Variants in PCM1 observed in about 807,000 individuals in gnomAD.
PCM1 encodes the protein pericentriolar material 1 protein.
PCM1 carries 157 observed loss-of-function variants against 241.9 expected under a neutral mutation model. That is an observed-to-expected ratio of 0.65 (90% CI 0.57 to 0.74). The LOEUF (loss-of-function observed/expected upper bound fraction) is 0.74. PCM1 is among the 30% of genes least tolerant of loss of function. PCM1 has a pLI of 0.00. For missense variants in PCM1, 3,478 were observed against 2,360.1 expected, an observed-to-expected ratio of 1.47 and a Z score of -9.81; for synonymous variants, 1,085 against 784.9, an observed-to-expected ratio of 1.38 and a Z score of -6.39.
chr8:17,940,937 G>A (rs992101166), intron 6 of PCM1, among the ~76,000 whole-genome samples: 1 of 152,002 alleles, frequency 6.6e-6, no homozygotes, highest in African/African-American at 2.4e-5. Flanking sequence ...ATATCTCTTC[G>A]GGTTTTGAGG....
intron 2 of PCM1, among the ~76,000 whole-genome samples, chr8:17,935,027 A>T (rs2060036086): frequency 6.6e-6 from 1 of 151,744 alleles, no homozygotes; most frequent in African/African-American, 2.4e-5. Context: ...TAGCCACTGC[A>T]CTTTTGGATG....
chr8:18,013,857 C>T (rs373209317), intron 34 of PCM1, 107 bp from the exon 35 acceptor site: 2 of 658,722 alleles, frequency 3.0e-6, no homozygotes, highest in Admixed American at 3.6e-5. Context: ...TTTTAAATTT[C>T]TTTGTATGAA....
intron 2 of PCM1, among the ~76,000 whole-genome samples, chr8:17,930,258 G>A (rs779896282): frequency 2.6e-5 from 4 of 151,900 alleles, no homozygotes; most frequent in South Asian, 2.1e-4. Flanking sequence ...CCGCCACCAC[G>A]CCTGGCTAAT....
chr8:17,936,532 A>G (rs2060480229), intron 3 of PCM1, among the ~76,000 whole-genome samples: 1 of 152,162 alleles, frequency 6.6e-6, no homozygotes, highest in Non-Finnish European at 1.5e-5. Flanking sequence ...AGCTGTTACC[A>G]TGTACATTTT....
chr8:17,926,907 GAGA>G (rs1351549777), intron 2 of PCM1: 2 of 152,120 alleles, frequency 1.3e-5, no homozygotes, highest in African/African-American at 4.8e-5. Flanking sequence ...TATTGGAATA[GAGA>G]AGATGAGATG....
rs535618741 is a variant in PCM1, at chr8:17,957,689, G to T, written c.1954G>T (p.Asp652Tyr). ...RSSLVDEHPE[D>Y]AEFEQKINRL... is the part of the protein sequence containing the mutation. The stretch of plus-strand genomic sequence containing the variant: ...CAGTCTGGTTGATGAGCATCCAGAA[G>T]ATGCTGAATTTGAACAGAAGATCAA... The change falls in exon 13 of 39, where the codon GAT becomes TAT. Residue 652 changes from aspartate (D) to tyrosine (Y), a missense_variant. Transcript: ENST00000325083. The T allele has an allele frequency of 3.7e-6, 6 of 1,612,336 alleles. No homozygotes were observed. In the African/African-American group the frequency reaches 6.7e-5, roughly 18 times the overall value.
intron 8 of PCM1, 130 bp downstream of exon 8, chr8:17,950,854 G>GT (rs939920257): frequency 1.6e-5 from 10 of 640,428 alleles, no homozygotes; most frequent in African/African-American, 1.9e-5. Flanking sequence ...GATTGGTGGG[G>GT]TCCCCCCCAC....
chr8:17,968,680 C>T (rs983815520), intron 21 of PCM1, among the ~76,000 whole-genome samples: 3 of 149,888 alleles, frequency 2.0e-5, no homozygotes, highest in African/African-American at 4.9e-5. Flanking sequence ...TTCTTACATA[C>T]ATATATTACA....
At chr8:17,945,666 G>A (rs1380033218) in intron 6 of PCM1, among the ~76,000 whole-genome samples, 3 of 152,088 alleles carry the variant, frequency 2.0e-5, no homozygotes, top group Non-Finnish European at 2.9e-5. Flanking sequence ...ACTTGGGGAG[G>A]TAAAGAAATT....
At chr8:17,947,940 G>T (rs1020286709) in intron 7 of PCM1, among the ~76,000 whole-genome samples, 6 of 152,260 alleles carry the variant, frequency 3.9e-5, no homozygotes, top group African/African-American at 7.2e-5. Context: ...TGAATTAGAT[G>T]AAAGTTGTGT....
At chr8:17,923,434 C>T (rs1370833258) in intron 1 of PCM1, among the ~76,000 whole-genome samples, 1 of 152,168 alleles carries the variant, frequency 6.6e-6, no homozygotes, top group African/African-American at 2.4e-5. Context: ...TTGCAGGACT[C>T]CCTTCTTGCC....
chr8:17,960,527 G>GTTTTTGT, intron 15 of PCM1, 83 bp downstream of exon 15: 7 of 412,968 alleles, frequency 1.7e-5, no homozygotes, highest in East Asian at 1.5e-4. Flanking sequence ...TTTTGTTTTT[G>GTTTTTGT]TTTTTCTTTT....
chr8:18,007,599 C>CT (rs2091688613), intron 30 of PCM1, among the ~76,000 whole-genome samples: 1 of 152,136 alleles, frequency 6.6e-6, no homozygotes, highest in African/African-American at 2.4e-5. Flanking sequence ...TTTTCTCAGT[C>CT]TAAGGTTTGA....
chr8:17,985,733 T>C (rs1159942492), intron 25 of PCM1, 114 bp downstream of exon 25: 1 of 852,064 alleles, frequency 1.2e-6, no homozygotes, highest in South Asian at 1.9e-5. Flanking sequence ...CTGTTCTCTA[T>C]GTGCTTTCTT....
At chr8:17,980,027 G>C (rs1163238868) in intron 23 of PCM1, among the ~76,000 whole-genome samples, 1 of 151,774 alleles carries the variant, frequency 6.6e-6, no homozygotes, top group Non-Finnish European at 1.5e-5. Context: ...AGTGGAAAGA[G>C]GGTAGGTATA....
chr8:17,926,669 TGCTA>T (rs2057086663), intron 2 of PCM1: 1 of 152,248 alleles, frequency 6.6e-6, no homozygotes, highest in African/African-American at 2.4e-5. Context: ...AAGTGAAGGA[TGCTA>T]GCTAGCAAGG....
At chr8:18,017,548 C>T (rs2093342844) in intron 36 of PCM1, among the ~76,000 whole-genome samples, 1 of 152,180 alleles carries the variant, frequency 6.6e-6, no homozygotes, top group Admixed American at 6.5e-5. Context: ...ACTATTTCCT[C>T]ATTAGATGAA....
chr8:17,950,817 C>T (rs1320151617), intron 8 of PCM1, 93 bp downstream of exon 8: 1 of 752,518 alleles, frequency 1.3e-6, no homozygotes, highest in Non-Finnish European at 2.3e-6. Context: ...TATCACCTGG[C>T]ATGATTGTTG....
intron 22 of PCM1, among the ~76,000 whole-genome samples, chr8:17,971,193 T>G (rs2076732042): frequency 6.6e-6 from 1 of 152,240 alleles, no homozygotes; most frequent in African/African-American, 2.4e-5. Flanking sequence ...AAAGCCATTC[T>G]TAGCTCTCAG....
Sources: gnomAD v4.1 joint callset for allele counts (sites outside exome capture counted in the v4.1 genomes callset) on GRCh38, gnomAD v4.1.1 for gene constraint, MANE v1.5 for transcripts, NCBI Gene and HGNC (gene_info 2026-07-23, HGNC 2026-07-21) for gene names.